Variants in ADGRA3 observed in about 807,000 individuals in gnomAD.
The protein encoded by ADGRA3 is G-protein coupled receptor 125.
ADGRA3 carries 56 observed loss-of-function variants against 119.8 expected under a neutral mutation model. That is an observed-to-expected ratio of 0.47 (90% CI 0.38 to 0.58). The LOEUF (loss-of-function observed/expected upper bound fraction) is 0.58. ADGRA3 is among the 20% of genes least tolerant of loss of function. The pLI, the probability that ADGRA3 is intolerant of heterozygous loss-of-function variation, is 0.00. For missense variants in ADGRA3, 1,516 were observed against 1,649.0 expected (o/e 0.92, Z 1.40); for synonymous variants, 607 against 623.8 (o/e 0.97, Z 0.40).
chr4:22,504,334 C>T (rs568675941), intron 1 of ADGRA3, among the ~76,000 whole-genome samples: 1 of 152,250 alleles, frequency 6.6e-6, no homozygotes, highest in East Asian at 1.9e-4. Flanking sequence ...CTAAAAGAAA[C>T]TACCAAATGC....
At chr4:22,391,178 T>A (rs867813795) in intron 17 of ADGRA3, among the ~76,000 whole-genome samples, 5 of 152,130 alleles carry the variant, frequency 3.3e-5, no homozygotes, top group South Asian at 2.1e-4. Flanking sequence ...AGTGACCACA[T>A]AAGGAAATGT....
chr4:22,454,724 T>C, intron 4 of ADGRA3, 142 bp downstream of exon 4: 1 of 653,742 alleles, frequency 1.5e-6, no homozygotes, highest in Non-Finnish European at 2.7e-6. Context: ...TCCCCATGAT[T>C]AAATTGTGAG....
chr4:22,511,447 G>A (rs1719443642), intron 1 of ADGRA3, among the ~76,000 whole-genome samples: 1 of 152,160 alleles, frequency 6.6e-6, no homozygotes, highest in African/African-American at 2.4e-5. Flanking sequence ...CATAGCTACA[G>A]AAACAAGTGG....
chr4:22,503,495 T>TA (rs1438427379), intron 1 of ADGRA3, among the ~76,000 whole-genome samples: 1 of 152,208 alleles, frequency 6.6e-6, no homozygotes, highest in Non-Finnish European at 1.5e-5. Context: ...GCATTACAGT[T>TA]ATATCTCCAT....
chr4:22,413,661 T>A lies in ADGRA3; in HGVS notation c.1963A>T (p.Asn655Tyr), dbSNP rs544787330. 1 of 1,613,976 alleles carries A rather than the reference T, an allele frequency of 6.2e-7. No homozygotes were observed. The highest frequency in any genetic ancestry group is 1.3e-5 in the African/African-American group (1 of 75,014). The change falls in exon 13 of 19, where the codon AAT becomes TAT. Residue 655 changes from asparagine to tyrosine, a missense_variant. Asn to Tyr is a moderately radical substitution (Grantham distance 143). This residue lies in a region of ADGRA3 where 1,088 missense variants were observed against 1,107.1 expected (regional missense o/e 0.98). Coordinates refer to ENST00000334304, the MANE Select transcript of ADGRA3 (RefSeq NM_145290.4). ...KLFPATGNST[N>Y]LADDGKRRTV... ...CGTCGTTTTCCATCATCAGCCAAAT[T>A]TGTTGAATTTCCAGTGGCTGGAAAA...
intron 2 of ADGRA3, among the ~76,000 whole-genome samples, chr4:22,462,020 T>A (rs1021766496): frequency 1.3e-5 from 2 of 152,134 alleles, no homozygotes; most frequent in African/African-American, 4.8e-5. Context: ...TTTGGTTTGG[T>A]CAATAAAATA....
At chr4:22,459,666 C>A (rs187028750) in intron 3 of ADGRA3, among the ~76,000 whole-genome samples, 106 of 150,916 alleles carry the variant, frequency 7.0e-4, no homozygotes, top group Non-Finnish European at 8.1e-4. Flanking sequence ...ACACTGGAGG[C>A]GGAAAAAAAA....
At chr4:22,432,236 C>A (rs1382225766) in intron 10 of ADGRA3, among the ~76,000 whole-genome samples, 1 of 152,122 alleles carries the variant, frequency 6.6e-6, no homozygotes, top group Non-Finnish European at 1.5e-5. Context: ...CTGAAACTGA[C>A]TAGAAATTCA....
intron 14 of ADGRA3, among the ~76,000 whole-genome samples, chr4:22,403,554 G>A (rs922709986): frequency 4.6e-5 from 7 of 151,936 alleles, no homozygotes; most frequent in African/African-American, 1.7e-4. Flanking sequence ...GGGCAACACA[G>A]GGAGTTTGCA....
intron 14 of ADGRA3, among the ~76,000 whole-genome samples, chr4:22,407,483 A>G (rs2109015519): frequency 6.6e-6 from 1 of 152,298 alleles, no homozygotes; most frequent in South Asian, 2.1e-4. Flanking sequence ...ACCTTTGAGT[A>G]GAAAAAGTAA....
At chr4:22,398,140 T>C in intron 16 of ADGRA3, 1 of 982,826 alleles carries the variant, frequency 1.0e-6, no homozygotes. Flanking sequence ...AGTAACAGCC[T>C]AAAACAAAAA....
intron 12 of ADGRA3, chr4:22,420,545 A>ATTGTCTT: frequency 2.8e-6 from 1 of 351,916 alleles, no homozygotes; most frequent in Non-Finnish European, 5.1e-6. Flanking sequence ...TTATTGTCTT[A>ATTGTCTT]AAATCAGGAG....
At position 22,488,534 on chromosome 4, in the gene ADGRA3, G is replaced by A. The variant is rs59158628; in HGVS notation, c.258-14691C>T. ...TACAATTCACAGGCTAACAAGAGCT[G>A]TAAGGGGTTAACCCAACGCAAGCGT... is the stretch of plus-strand genomic sequence containing the variant. On this transcript the variant is annotated intron_variant, in intron 1 of 18. Transcript: ENST00000334304. Among the ~76,000 whole-genome samples, 1,248 of 152,296 alleles carry A rather than the reference G, an allele frequency of 8.2e-3. 34 individuals carry two copies. Among genetic ancestry groups the A allele is most frequent in the East Asian group, 0.08 (410 of 5,144 alleles).
At chr4:22,457,425 A>G (rs1221550104) in intron 3 of ADGRA3, among the ~76,000 whole-genome samples, 4 of 152,202 alleles carry the variant, frequency 2.6e-5, no homozygotes, top group Admixed American at 1.3e-4. Context: ...CTACTGTCAA[A>G]TATCTTTATA....
At chr4:22,410,302 T>C (rs1337646865) in intron 14 of ADGRA3, among the ~76,000 whole-genome samples, 1 of 152,216 alleles carries the variant, frequency 6.6e-6, no homozygotes, top group Non-Finnish European at 1.5e-5. Context: ...TTTCTTTCTT[T>C]GTTTTTTCCT....
In ADGRA3 at chr4:22,483,776, A is replaced by G. The variant is rs1577375780; in HGVS notation, c.258-9933T>C. On this transcript the variant is annotated intron_variant, in intron 1 of 18. Transcript: ENST00000334304. The stretch of plus-strand genomic sequence containing the variant: ...TCACTATGATGCAGCACTGAAATAA[A>G]CAGTTGTGTAATAGAAGATTGCATA... Among the ~76,000 whole-genome samples, 3 of 152,304 alleles carry G rather than the reference A, an allele frequency of 2.0e-5. No homozygotes were observed. The South Asian group carries it at 6.2e-4, about 32-fold the overall frequency.
chr4:22,422,754 G>A (rs1249143998), intron 11 of ADGRA3, among the ~76,000 whole-genome samples: 1 of 152,102 alleles, frequency 6.6e-6, no homozygotes, highest in African/African-American at 2.4e-5. Flanking sequence ...AGAGAAAGGG[G>A]GGAAGTTCTT....
intron 2 of ADGRA3, 37 bp downstream of exon 2, chr4:22,473,735 C>A: frequency 1.6e-6 from 2 of 1,225,382 alleles, no homozygotes; most frequent in Non-Finnish European, 2.3e-6. Flanking sequence ...ATGCATTAAA[C>A]AAAATAATAA....
chr4:22,493,590 G>C (rs1189154935), intron 1 of ADGRA3, among the ~76,000 whole-genome samples: 1 of 152,156 alleles, frequency 6.6e-6, no homozygotes, highest in East Asian at 1.9e-4. Flanking sequence ...TGTGCATTGG[G>C]CTATGTTACC....
Sources: gnomAD v4.1 joint callset for allele counts (sites outside exome capture counted in the v4.1 genomes callset) on GRCh38, gnomAD v4.1.1 for gene constraint, gnomAD v4.1.1 regional missense constraint, MANE v1.5 for transcripts, NCBI Gene and HGNC (gene_info 2026-07-23, HGNC 2026-07-21) for gene names.